The following FRMPD4 variants were observed in gnomAD, a reference collection of about 807,000 sequenced individuals.
FRMPD4 encodes FERM and PDZ domain containing 4.
Under a neutral mutation model 94.1 loss-of-function variants are expected in FRMPD4, and 22 were observed. The observed-to-expected ratio is 0.23, with a 90% CI of 0.17 to 0.33. The LOEUF (loss-of-function observed/expected upper bound fraction) is 0.33, where lower values mean the gene tolerates loss of function less well. Ranked by LOEUF, FRMPD4 falls within the 10% of genes least tolerant of loss-of-function variation. The pLI is 1.00. For missense variants in FRMPD4, 1,111 were observed against 1,339.9 expected (o/e 0.83, Z 2.67); for synonymous variants, 631 against 548.6 (o/e 1.15, Z -2.10).
At chrX:12,291,128 C>T (rs1421073224) in intron 1 of FRMPD4, among the ~76,000 whole-genome samples, 1 of 111,923 alleles carries the variant, frequency 8.9e-6, no homozygotes, top group African/African-American at 3.2e-5. Context: ...TTCCTCTCAC[C>T]CACTTCCCTT....
intron 1 of FRMPD4, among the ~76,000 whole-genome samples, chrX:12,285,594 T>C (rs1293521175): frequency 8.9e-6 from 1 of 111,819 alleles, no homozygotes; most frequent in Non-Finnish European, 1.9e-5. Context: ...TAGGCAGGGA[T>C]ATAAAGGCCA....
chrX:12,626,056 T>C (rs891231902), intron 4 of FRMPD4, among the ~76,000 whole-genome samples: 5 of 111,824 alleles, frequency 4.5e-5, no homozygotes, highest in African/African-American at 1.6e-4. Context: ...CTGGGCATGG[T>C]GACTCACACC....
intron 1 of FRMPD4, among the ~76,000 whole-genome samples, chrX:12,314,342 G>A (rs1386419696): frequency 1.8e-5 from 2 of 111,669 alleles, no homozygotes; most frequent in South Asian, 3.8e-4. Flanking sequence ...GTTATGAAGC[G>A]GGCTTCCTGA....
At chrX:12,489,338 CAACA>C (rs1040484832) in intron 1 of FRMPD4, among the ~76,000 whole-genome samples, 2 of 111,789 alleles carry the variant, frequency 1.8e-5, no homozygotes, top group African/African-American at 3.2e-5. Flanking sequence ...CCCATGTCCC[CAACA>C]AACAGTGAGA....
intron 1 of FRMPD4, among the ~76,000 whole-genome samples, chrX:12,170,857 A>C (rs1339611695): frequency 5.3e-5 from 6 of 112,521 alleles, no homozygotes; most frequent in Non-Finnish European, 1.1e-4. Flanking sequence ...ACATCTAGAA[A>C]CCCCTTGTTG....
At chrX:12,435,106 C>G (rs1191059880) in intron 1 of FRMPD4, among the ~76,000 whole-genome samples, 1 of 111,335 alleles carries the variant, frequency 9.0e-6, no homozygotes, top group African/African-American at 3.3e-5. Flanking sequence ...GGTTCTTCAT[C>G]TGTGTTTTCT....
chrX:11,831,814 G>A (rs967184732), intron 1 of FRMPD4, among the ~76,000 whole-genome samples: 12 of 111,869 alleles, frequency 1.1e-4, no homozygotes, highest in Admixed American at 4.7e-4. Context: ...AGAGAAATAA[G>A]GATGGGGAAG....
chrX:12,288,440 A>G (rs2054633157), intron 1 of FRMPD4, among the ~76,000 whole-genome samples: 1 of 111,415 alleles, frequency 9.0e-6, no homozygotes, highest in African/African-American at 3.3e-5. Flanking sequence ...AACATCCTTA[A>G]TTATAACACT....
chrX:11,914,185 A>G (rs2054010919), intron 3 of FRMPD4, among the ~76,000 whole-genome samples: 1 of 112,124 alleles, frequency 8.9e-6, no homozygotes, highest in Admixed American at 9.5e-5. Context: ...TAATACATCT[A>G]GCATGACAAA....
chrX:12,132,031 C>T (rs777756591), intron 3 of FRMPD4, among the ~76,000 whole-genome samples: 9 of 111,647 alleles, frequency 8.1e-5, no homozygotes, highest in Non-Finnish European at 1.7e-4. Context: ...TTAACACATG[C>T]ACACAAGGTG....
At chrX:11,988,291 A>G (rs1301286045) in intron 3 of FRMPD4, among the ~76,000 whole-genome samples, 3 of 109,151 alleles carry the variant, frequency 2.7e-5, no homozygotes, top group Non-Finnish European at 5.7e-5. Context: ...CCATGTACCT[A>G]CAGGGAACTC....
chrX:12,541,385 C>G (rs2058409671), intron 2 of FRMPD4, among the ~76,000 whole-genome samples: 1 of 110,705 alleles, frequency 9.0e-6, no homozygotes, highest in Admixed American at 9.6e-5. Context: ...CAAATAGATG[C>G]AATAAAAAAT....
chrX:12,270,750 A>G (rs927678490), intron 1 of FRMPD4, among the ~76,000 whole-genome samples: 1 of 111,700 alleles, frequency 9.0e-6, no homozygotes, highest in African/African-American at 3.3e-5. Flanking sequence ...CCGCAAATCT[A>G]TGAAGAAGGC....
At chrX:12,322,363 G>A (rs2055219959) in intron 1 of FRMPD4, among the ~76,000 whole-genome samples, 1 of 111,370 alleles carries the variant, frequency 9.0e-6, no homozygotes. Flanking sequence ...GGTAATTGAA[G>A]GATGTCAGGG....
chrX:12,326,070 C>A (rs753523536), intron 1 of FRMPD4, among the ~76,000 whole-genome samples: 11 of 112,338 alleles, frequency 9.8e-5, no homozygotes, highest in Non-Finnish European at 1.5e-4. Context: ...GTCCTCATTT[C>A]TTGCCCTGGA....
chrX:12,008,971 A>G (rs2054568002), intron 3 of FRMPD4, among the ~76,000 whole-genome samples: 1 of 112,276 alleles, frequency 8.9e-6, no homozygotes, highest in Admixed American at 9.5e-5. Flanking sequence ...CCTCCAGTTC[A>G]GAGAACCACC....
At chrX:12,463,396 T>C (rs899682772) in intron 1 of FRMPD4, among the ~76,000 whole-genome samples, 3 of 111,982 alleles carry the variant, frequency 2.7e-5, no homozygotes, top group African/African-American at 9.7e-5. Context: ...CTCTCCTCCC[T>C]AGTCTGTAGC....
At chrX:12,719,872 C>T (rs2042185845) in intron 16 of FRMPD4, among the ~76,000 whole-genome samples, 1 of 110,929 alleles carries the variant, frequency 9.0e-6, no homozygotes, top group Admixed American at 9.7e-5. Flanking sequence ...TGTTGAACAA[C>T]TGGCCCAGTG....
At chrX:12,283,340 C>T (rs748234161) in intron 1 of FRMPD4, among the ~76,000 whole-genome samples, 1 of 112,998 alleles carries the variant, frequency 8.8e-6, no homozygotes, top group Non-Finnish European at 1.9e-5. Flanking sequence ...TTTTCAAGTT[C>T]TTGAGATCAA....
Sources: gnomAD v4.1 joint callset for allele counts (sites outside exome capture counted in the v4.1 genomes callset) on GRCh38, gnomAD v4.1.1 for gene constraint, MANE v1.5 for transcripts, NCBI Gene and HGNC (gene_info 2026-07-23, HGNC 2026-07-21) for gene names.